Variants in PRKCZ observed in about 807,000 individuals in gnomAD.
PRKCZ encodes the protein protein kinase C zeta, also known as protein kinase C zeta type.
In PRKCZ, 33 loss-of-function variants were observed where a neutral mutation model predicts 79.5. That is an observed-to-expected ratio of 0.41 (90% CI 0.31 to 0.55). The LOEUF (loss-of-function observed/expected upper bound fraction) is 0.55. PRKCZ is among the 20% of genes least tolerant of loss of function. The pLI is 0.19. For synonymous variants in PRKCZ, 342 were observed against 320.9 expected (o/e 1.07, Z -0.70); for missense variants, 578 against 813.5 (o/e 0.71, Z 3.52).
chr1:2,184,948 C>T lies in PRKCZ; in HGVS notation c.1718C>T (p.Ser573Leu). The T allele has an allele frequency of 6.2e-7, 1 of 1,613,936 alleles. No individual in the cohort carries two copies. The highest frequency in any genetic ancestry group is 1.1e-5 in the South Asian group (1 of 91,034). ...DEDAIKRIDQ[S>L]EFEGFEYINP... ...GATGCCATAAAGAGGATCGACCAGT[C>T]AGAGTTCGAAGGCTTTGAGTATATC... is the stretch of plus-strand genomic sequence containing the variant. Residue 573 changes from serine (S) to leucine (L), a missense_variant, in exon 18 of 18, where the codon TCA becomes TTA. By Grantham distance (145) the Ser-to-Leu change is moderately radical (BLOSUM62 -2). Coordinates refer to ENST00000378567, the MANE Select transcript of PRKCZ (RefSeq NM_002744.6).
At chr1:2,095,203 C>T (rs890678581) in intron 4 of PRKCZ, among the ~76,000 whole-genome samples, 3 of 152,146 alleles carry the variant, frequency 2.0e-5, no homozygotes, top group African/African-American at 7.2e-5. Flanking sequence ...GTCTCCTTTC[C>T]AGACCCTTCT....
chr1:2,103,292 A>G (rs965842498), intron 4 of PRKCZ, among the ~76,000 whole-genome samples: 4 of 152,348 alleles, frequency 2.6e-5, no homozygotes, highest in African/African-American at 9.6e-5. Flanking sequence ...TCGTAGCCCC[A>G]GTGACTGGGA....
chr1:2,085,807 G>A lies in PRKCZ; in HGVS notation c.334+26216G>A, dbSNP rs1459641473. On this transcript the variant is annotated intron_variant, in intron 4 of 17. Coordinates refer to ENST00000378567, the MANE Select transcript of PRKCZ (RefSeq NM_002744.6). ...CGTGAGGCACCGTGCTGGAGGGGCT[G>A]AGGATATGGGGGGCCCGGGCCCGGC... 2.6e-5 allele frequency among the ~76,000 whole-genome samples: 4 copies of A among 152,276 alleles called. No individual in the cohort carries two copies. In the South Asian group the frequency reaches 8.3e-4, roughly 32 times the overall value.
intron 4 of PRKCZ, among the ~76,000 whole-genome samples, chr1:2,096,389 A>T (rs1338216554): frequency 3.3e-5 from 5 of 151,814 alleles, no homozygotes; most frequent in African/African-American, 1.2e-4. Context: ...TCGGCATCCC[A>T]CTGGGAGCAC....
chr1:2,165,798 A>G lies in PRKCZ; in HGVS notation c.975-3720A>G, dbSNP rs1397431535. ...GAGAGGGCTGTGGTTCCTCCCTCTG[A>G]GCCGGGCACCTTGCATTCCTGGAAG... On this transcript the variant is annotated intron_variant, in intron 10 of 17. Coordinates refer to ENST00000378567, the MANE Select transcript of PRKCZ (RefSeq NM_002744.6). The surrounding 1 kb of genome is among the most constrained non-coding windows in gnomAD (Gnocchi z 4.1). 6.6e-6 allele frequency among the ~76,000 whole-genome samples: 1 copy of G among 151,944 alleles called. No homozygotes were observed. Among genetic ancestry groups the G allele is most frequent in the African/African-American group, 2.4e-5 (1 of 41,340 alleles).
rs576894067 is a variant in PRKCZ at position 2,185,247 on chromosome 1, C to T, written c.*238C>T. On this transcript the variant is annotated 3_prime_UTR_variant, in exon 18 of 18. Transcript: ENST00000378567. ...ACTTGCTGCTGTGCCTGCGTCGCGG[C>T]GGATCCGCGGGGACCCTGCCGAGGG... 2.0e-5 allele frequency: 14 copies of T among 711,858 alleles called. No homozygotes were observed. The highest frequency in any genetic ancestry group is 3.5e-5 in the African/African-American group (2 of 57,366). 44.1% of individuals were successfully genotyped at this position (711,858 alleles called of 1,614,324 possible). A position where few individuals can be genotyped will look rare whatever the true frequency, so the allele number is the denominator to read the frequency against.
chr1:2,096,899 A>C (rs1666625363), intron 4 of PRKCZ, among the ~76,000 whole-genome samples: 1 of 152,188 alleles, frequency 6.6e-6, no homozygotes, highest in Admixed American at 6.5e-5. Flanking sequence ...CTTGAGGCTG[A>C]ACCTGAGACC....
intron 10 of PRKCZ, among the ~76,000 whole-genome samples, chr1:2,160,958 C>T (rs760669592): frequency 6.6e-4 from 93 of 141,170 alleles, no homozygotes; most frequent in Non-Finnish European, 1.2e-3. Context: ...GAGGCGCCGC[C>T]GTCGGGGTGG....
chr1:2,102,323 T>G (rs1667576497), intron 4 of PRKCZ, among the ~76,000 whole-genome samples: 1 of 117,778 alleles, frequency 8.5e-6, no homozygotes, highest in Admixed American at 8.2e-5. Context: ...CGTTTTTTTT[T>G]TTGTTTGTTT....
At chr1:2,141,337 TTC>T (rs1300107009) in intron 5 of PRKCZ, 1 of 131,366 alleles carries the variant, frequency 7.6e-6, no homozygotes, top group Non-Finnish European at 1.6e-5. Flanking sequence ...TTGTTTGTTT[TTC>T]TTTTTCTTTT....
At chr1:2,145,231 A>G (rs1678255093) in intron 6 of PRKCZ, 1 of 152,268 alleles carries the variant, frequency 6.6e-6, no homozygotes, top group Non-Finnish European at 1.5e-5. Context: ...TAGCGTAAGC[A>G]AATGAGACCG....
At chr1:2,159,171 G>A (rs1681717741) in intron 10 of PRKCZ, among the ~76,000 whole-genome samples, 1 of 152,202 alleles carries the variant, frequency 6.6e-6, no homozygotes. Context: ...CAATAGCTGG[G>A]GGGCTGTGAA....
At chr1:2,151,037 T>G in intron 9 of PRKCZ, 59 bp downstream of exon 9, 8 of 1,577,918 alleles carry the variant, frequency 5.1e-6, no homozygotes, top group Non-Finnish European at 5.2e-6. Flanking sequence ...TGGGGCCTCC[T>G]CCGGGCTTTA....
intron 4 of PRKCZ, among the ~76,000 whole-genome samples, chr1:2,079,815 TTGTC>T (rs1286320045): frequency 6.6e-6 from 1 of 152,106 alleles, no homozygotes; most frequent in Non-Finnish European, 1.5e-5. Flanking sequence ...TGACCCGCAT[TTGTC>T]TGCCCACATT....
In PRKCZ at chr1:2,172,630, C is replaced by T. The variant is rs1249011929; in HGVS notation, c.1285+242C>T. On this transcript the variant is annotated intron_variant, in intron 13 of 17. Coordinates refer to ENST00000378567, the MANE Select transcript of PRKCZ (RefSeq NM_002744.6). The surrounding 1 kb of genome is among the most constrained non-coding windows in gnomAD (Gnocchi z 7.8). Reference sequence around the variant, plus strand: ...CACAGGATTCCTCCTGCCAGGGAGCCCCGGGGCACAGGGAGGGGAAAGACA... The same window carrying T: ...CACAGGATTCCTCCTGCCAGGGAGCTCCGGGGCACAGGGAGGGGAAAGACA... Among the ~76,000 whole-genome samples the T allele has an allele frequency of 6.6e-6, 1 of 152,216 alleles. No individual in the cohort carries two copies. The highest frequency in any genetic ancestry group is 1.9e-4 in the East Asian group (1 of 5,194).
chr1:2,068,568 C>T lies in PRKCZ; in HGVS notation c.334+8977C>T, dbSNP rs141984659. Among the ~76,000 whole-genome samples the T allele has an allele frequency of 8.5e-5, 13 of 152,340 alleles. No individual in the cohort carries two copies. The East Asian group carries it at 2.1e-3, about 25-fold the overall frequency. On this transcript the variant is annotated intron_variant, in intron 4 of 17. Coordinates refer to ENST00000378567, the MANE Select transcript of PRKCZ (RefSeq NM_002744.6). ...ACCTTGAGACCTGGCCTTAATCACACGTGCAGGAACCCTTTTCCAAAGGAG... is the reference window on the plus strand; with the variant it reads ...ACCTTGAGACCTGGCCTTAATCACATGTGCAGGAACCCTTTTCCAAAGGAG...
chr1:2,095,699 G>A (rs1666338891), intron 4 of PRKCZ, among the ~76,000 whole-genome samples: 1 of 150,542 alleles, frequency 6.6e-6, no homozygotes, highest in African/African-American at 2.5e-5. Context: ...ACTCGCCACA[G>A]CTCCCCTCCC....
At chr1:2,109,899 T>C (rs1669379675) in intron 4 of PRKCZ, among the ~76,000 whole-genome samples, 2 of 152,110 alleles carry the variant, frequency 1.3e-5, no homozygotes, top group South Asian at 4.1e-4. Context: ...ACTCCAGAAA[T>C]GTCCAGTAGC....
chr1:2,056,423 G>C (rs930060845), intron 2 of PRKCZ, 61 bp from the exon 3 acceptor site: 1 of 1,488,256 alleles, frequency 6.7e-7, no homozygotes, highest in East Asian at 2.3e-5. Context: ...GAGCGGGCTC[G>C]TCACAGCCCC....
Sources: gnomAD v4.1 joint callset for allele counts (sites outside exome capture counted in the v4.1 genomes callset) on GRCh38, gnomAD v4.1.1 for gene constraint, Gnocchi (gnomAD v3.1) non-coding constraint, MANE v1.5 for transcripts, NCBI Gene and HGNC (gene_info 2026-07-23, HGNC 2026-07-21) for gene names.